DYNC2I1: variants seen among roughly 807,000 people sequenced by gnomAD.
The protein encoded by DYNC2I1 is cytoplasmic dynein 2 intermediate chain 1.
Under a neutral mutation model 133.4 loss-of-function variants are expected in DYNC2I1, and 89 were observed. The ratio of observed to expected loss-of-function variants is 0.67; its 90% confidence interval spans 0.56 to 0.80. The LOEUF is 0.80. Ranked by LOEUF, DYNC2I1 falls within the 30% of genes least tolerant of loss-of-function variation. The pLI, the probability that DYNC2I1 is intolerant of heterozygous loss-of-function variation, is 0.00. For missense variants in DYNC2I1, 1,291 were observed against 1,314.5 expected, an observed-to-expected ratio of 0.98 and a Z score of 0.28; for synonymous variants, 504 against 484.3, an observed-to-expected ratio of 1.04 and a Z score of -0.54.
At chr7:158,946,505 C>T (rs1030201580), downstream of DYNC2I1, among the ~76,000 whole-genome samples, 19 of 152,266 alleles carry the variant, frequency 1.2e-4, no homozygotes, top group South Asian at 4.1e-4. Flanking sequence ...CTCTGCTTTC[C>T]GCAGTACCTC....
In DYNC2I1 at chr7:158,876,679, C is replaced by T; in HGVS notation, c.561C>T (p.Tyr187=). The change falls in exon 4 of 25, where the codon TAC becomes TAT. Residue 187 remains tyrosine (Y), a synonymous_variant. Coordinates refer to ENST00000407559, the MANE Select transcript of DYNC2I1 (RefSeq NM_018051.5). ...ERGDEDRERR[Y]RERKLQYGDS... is the part of the protein sequence containing the mutation. Reference sequence around the variant, plus strand: ...GAGATGAAGATAGAGAAAGAAGATACCGAGAAAGAAAGGTATACGAAGCAA... The same window carrying T: ...GAGATGAAGATAGAGAAAGAAGATATCGAGAAAGAAAGGTATACGAAGCAA... 6.4e-7 allele frequency: 1 copy of T among 1,569,334 alleles called. No individual in the cohort carries two copies. The highest frequency in any genetic ancestry group is 1.2e-5 in the South Asian group (1 of 82,394).
chr7:158,887,317 T>G, intron 7 of DYNC2I1, among the ~76,000 whole-genome samples: 1 of 152,192 alleles, frequency 6.6e-6, no homozygotes, highest in East Asian at 1.9e-4. Flanking sequence ...GAGGGCTGGA[T>G]TGGCTACACT....
chr7:158,901,725 A>G lies in DYNC2I1; in HGVS notation c.1060-14A>G. The G allele has an allele frequency of 6.4e-7, 1 of 1,552,930 alleles. No individual in the cohort carries two copies. The highest frequency in any genetic ancestry group is 8.7e-7 in the Non-Finnish European group (1 of 1,149,462). On this transcript the variant is annotated splice_polypyrimidine_tract_variant and intron_variant, in intron 8 of 24. Coordinates refer to ENST00000407559, the MANE Select transcript of DYNC2I1 (RefSeq NM_018051.5). ...ATTGAATTTTTTGGTTTTGTGTTTG[A>G]TTTTTACCTCTAGGAAATTGAAAAG...
chr7:158,899,180 T>C (rs1456121663), intron 8 of DYNC2I1, among the ~76,000 whole-genome samples: 1 of 152,160 alleles, frequency 6.6e-6, no homozygotes, highest in Non-Finnish European at 1.5e-5. Flanking sequence ...CCTAATACAA[T>C]GTAAATGCTA....
intron 20 of DYNC2I1, among the ~76,000 whole-genome samples, chr7:158,930,144 C>T (rs554820552): frequency 1.3e-5 from 2 of 151,338 alleles, no homozygotes; most frequent in East Asian, 1.9e-4. Flanking sequence ...AGTGTATGTA[C>T]ACTCGTACAC....
intron 15 of DYNC2I1, among the ~76,000 whole-genome samples, chr7:158,920,305 G>GCA (rs1848922148): frequency 6.7e-6 from 1 of 149,558 alleles, no homozygotes; most frequent in African/African-American, 2.5e-5. Context: ...CACGTGAAGT[G>GCA]TGTGTGCATA....
At chr7:158,934,954 T>A (rs1225422713) in intron 23 of DYNC2I1, among the ~76,000 whole-genome samples, 2 of 152,134 alleles carry the variant, frequency 1.3e-5, no homozygotes, top group East Asian at 3.8e-4. Context: ...AACATGAAAT[T>A]AATAACAAAT....
chr7:158,897,395 G>T (rs565047381), intron 8 of DYNC2I1, among the ~76,000 whole-genome samples: 1 of 152,110 alleles, frequency 6.6e-6, no homozygotes, highest in East Asian at 1.9e-4. Flanking sequence ...TTTTTAGAAG[G>T]TTATTAATTA....
rs756182220 is a variant in DYNC2I1 at position 158,942,077 on chromosome 7, C to G, written c.2931C>G (p.Ser977=). 10 of 1,610,384 alleles carry G rather than the reference C, an allele frequency of 6.2e-6. No individual in the cohort carries two copies. The highest frequency in any genetic ancestry group is 8.5e-6 in the Non-Finnish European group (10 of 1,178,012). ...PAVFLVQDDT[S]NIYIWDLLQS... is the part of the protein sequence containing the mutation. Reference sequence around the variant, plus strand: ...TGTTCCTGGTGCAGGACGACACATCCAACATCTACATCTGGGACCTCCTCC... The same window carrying G: ...TGTTCCTGGTGCAGGACGACACATCGAACATCTACATCTGGGACCTCCTCC... Residue 977 remains serine, a synonymous_variant, in exon 24 of 25, where the codon TCC becomes TCG. Transcript: ENST00000407559.
At chr7:158,920,076 T>C (rs10264822) in intron 15 of DYNC2I1, among the ~76,000 whole-genome samples, 26,022 of 121,676 alleles carry the variant, frequency 0.21, 2,445 homozygotes, top group African/African-American at 0.29. Flanking sequence ...TGTGTGTGTA[T>C]GGCAGCGCCG....
chr7:158,864,012 A>G (rs1584948166), intron 1 of DYNC2I1, among the ~76,000 whole-genome samples: 1 of 69,616 alleles, frequency 1.4e-5, no homozygotes, highest in Non-Finnish European at 2.7e-5. Context: ...TGTGGGGGAG[A>G]GCGGGACGTC....
intron 7 of DYNC2I1, among the ~76,000 whole-genome samples, chr7:158,889,064 C>G (rs1409837784): frequency 1.3e-5 from 2 of 149,660 alleles, no homozygotes; most frequent in African/African-American, 4.9e-5. Context: ...CACACACACA[C>G]ACCCCTCCTG....
At chr7:158,911,439 G>T in intron 11 of DYNC2I1, 111 bp from the exon 12 acceptor site, 1 of 1,216,552 alleles carries the variant, frequency 8.2e-7, no homozygotes, top group Non-Finnish European at 1.1e-6. Flanking sequence ...CCTGAAGCTA[G>T]GTTTCTGACA....
chr7:158,845,400 T>C, the DYNC2I1 span, among the ~76,000 whole-genome samples: 1 of 152,190 alleles, frequency 6.6e-6, no homozygotes, highest in Non-Finnish European at 1.5e-5. Flanking sequence ...AAAGTAATGT[T>C]AGAAATGGAG....
At chr7:158,862,721 T>G (rs1841970428) in intron 1 of DYNC2I1, among the ~76,000 whole-genome samples, 1 of 152,112 alleles carries the variant, frequency 6.6e-6, no homozygotes, top group Non-Finnish European at 1.5e-5. Context: ...TTGGTCTCGC[T>G]GACTTCAAGA....
At chr7:158,874,488 C>T (rs842691) in intron 3 of DYNC2I1, among the ~76,000 whole-genome samples, 34,197 of 152,102 alleles carry the variant, frequency 0.22, 4,020 homozygotes, top group Middle Eastern at 0.28. Flanking sequence ...CTCAGATCAC[C>T]CTTTTTTGGC....
At chr7:158,918,966 G>T in intron 15 of DYNC2I1, 97 bp downstream of exon 15, 1 of 1,316,288 alleles carries the variant, frequency 7.6e-7, no homozygotes, top group South Asian at 1.7e-5. Flanking sequence ...TAATGTGATG[G>T]GGTTTAATGT....
At chr7:158,885,345 C>CTT (rs758083057) in intron 6 of DYNC2I1, among the ~76,000 whole-genome samples, 31 of 141,906 alleles carry the variant, frequency 2.2e-4, no homozygotes, top group African/African-American at 3.9e-4. Context: ...TGTATAAACT[C>CTT]TTTTTTTTTT....
chr7:158,936,826 G>A (rs915166936), intron 23 of DYNC2I1, among the ~76,000 whole-genome samples: 1 of 152,124 alleles, frequency 6.6e-6, no homozygotes, highest in South Asian at 2.1e-4. Context: ...ACTAAATACA[G>A]CCAAAGTGAA....
Sources: allele counts gnomAD v4.1 joint callset (sites outside exome capture counted in the v4.1 genomes callset), GRCh38; gene constraint gnomAD v4.1.1; transcripts MANE v1.5; gene names NCBI Gene and HGNC (gene_info 2026-07-23, HGNC 2026-07-21).